Variants in SPINK5 observed in about 807,000 individuals in gnomAD.
SPINK5 encodes the protein serine peptidase inhibitor Kazal type 5, also known as serine protease inhibitor Kazal-type 5.
SPINK5 carries 125 observed loss-of-function variants against 151.8 expected under a neutral mutation model. The observed-to-expected ratio is 0.82, with a 90% CI of 0.71 to 0.96. The LOEUF is 0.96. SPINK5 is among the 40% of genes least tolerant of loss of function. The pLI is 0.00. For missense variants in SPINK5, 1,194 were observed against 1,291.9 expected, an observed-to-expected ratio of 0.92 and a Z score of 1.16; for synonymous variants, 374 against 395.3, an observed-to-expected ratio of 0.95 and a Z score of 0.64.
In SPINK5 at chr5:148,120,410, G is replaced by A. The variant is rs1334193316; in HGVS notation, c.2538+19G>A. ...CAAAGAGGTAATAGATGTTAGACAC[G>A]CTAATACCTGAATTCAGTTAGTTCA... On this transcript the variant is annotated intron_variant, in intron 26 of 32. Coordinates refer to ENST00000256084, the MANE Select transcript of SPINK5 (RefSeq NM_006846.4). 1.9e-6 allele frequency: 3 copies of A among 1,577,806 alleles called. No individual in the cohort carries two copies. Among genetic ancestry groups the A allele is most frequent in the South Asian group, 1.2e-5 (1 of 86,484 alleles).
chr5:148,076,998 T>C (rs1023437162), intron 4 of SPINK5, among the ~76,000 whole-genome samples: 6 of 151,110 alleles, frequency 4.0e-5, no homozygotes, highest in African/African-American at 1.5e-4. Context: ...AGCCAACATA[T>C]GCATAATGGG....
Position 148,070,418 on chromosome 5 carries a change from C to A in SPINK5, c.177C>A (p.Phe59Leu). The A allele has an allele frequency of 6.2e-7, 1 of 1,612,662 alleles. No individual in the cohort carries two copies. The highest frequency in any genetic ancestry group is 1.1e-5 in the South Asian group (1 of 91,024). Residue 59 changes from phenylalanine to leucine, a missense_variant, in exon 3 of 33, where the codon TTC (phenylalanine) becomes TTA (leucine). Coordinates refer to ENST00000256084, the MANE Select transcript of SPINK5 (RefSeq NM_006846.4). ...TTCAAAGTCTTGATGGAATAATGTT[C>A]ATCAATAAATGTGCCACGTGCAAAA... ...KFFQSLDGIM[F>L]INKCATCKMI...
At position 148,086,546 on chromosome 5, in the gene SPINK5, G is replaced by A. The variant is rs1251865188; in HGVS notation, c.410+14G>A. 14 of 1,609,960 alleles carry A rather than the reference G, an allele frequency of 8.7e-6. No homozygotes were observed. The highest frequency in any genetic ancestry group is 1.2e-5 in the Non-Finnish European group (14 of 1,178,026). On this transcript the variant is annotated intron_variant, in intron 5 of 32. Coordinates refer to ENST00000256084, the MANE Select transcript of SPINK5 (RefSeq NM_006846.4). ...TGCTGAGAATGCGTGAGTATTCTCT[G>A]AAGTAGGCTTTCTCCCTAAAACGTG...
chr5:148,089,364 C>G, intron 6 of SPINK5, 130 bp from the exon 7 acceptor site: 1 of 1,201,994 alleles, frequency 8.3e-7, no homozygotes, highest in Non-Finnish European at 1.2e-6. Flanking sequence ...TGAGCTACAT[C>G]TACACAGCTG....
chr5:148,115,251 C>T (rs1237179337), intron 21 of SPINK5, among the ~76,000 whole-genome samples: 2 of 152,088 alleles, frequency 1.3e-5, no homozygotes, highest in African/African-American at 4.8e-5. Context: ...GAGTAAGGAT[C>T]TAAAATTAGG....
At chr5:148,108,918 A>C (rs149110752) in intron 18 of SPINK5, 81 bp downstream of exon 18, 1 of 1,587,550 alleles carries the variant, frequency 6.3e-7, no homozygotes, top group Admixed American at 1.7e-5. Context: ...CCTCCTCCTC[A>C]TTCCAGTATT....
intron 26 of SPINK5, 75 bp from the exon 27 acceptor site, chr5:148,123,758 T>G (rs948901298): frequency 6.3e-7 from 1 of 1,598,740 alleles, no homozygotes; most frequent in African/African-American, 1.3e-5. Flanking sequence ...AGTTTATATC[T>G]AATCGGTCAA....
At chr5:148,100,630 TATTTCATTTCCATGTTCA>T in intron 13 of SPINK5, 49 bp downstream of exon 13, 1 of 1,605,184 alleles carries the variant, frequency 6.2e-7, no homozygotes, top group Non-Finnish European at 8.5e-7. Context: ...TTGTTCTTTC[TATTTCATTTCCATGTTCA>T]ATTATGGGAG....
At chr5:148,108,866 T>C (rs772682242) in intron 18 of SPINK5, 29 bp downstream of exon 18, 3 of 1,610,268 alleles carry the variant, frequency 1.9e-6, no homozygotes, top group East Asian at 2.2e-5. Flanking sequence ...CAGAGCCACA[T>C]AAATATTCAA....
Position 148,073,267 on chromosome 5 carries a change from A to G in SPINK5, c.282+1047A>G, listed in dbSNP as rs557476072. Among the ~76,000 whole-genome samples, 38 of 152,060 alleles carry G rather than the reference A, an allele frequency of 2.5e-4. 1 individual carries two copies. In the South Asian group the frequency reaches 7.9e-3, roughly 31 times the overall value. The stretch of plus-strand genomic sequence containing the variant: ...TAATTACTTATAACATCCATGGTCT[A>G]ACAACGCTGACATCTTCCTTGGCAG... On this transcript the variant is annotated intron_variant, in intron 4 of 32. Coordinates refer to ENST00000256084, the MANE Select transcript of SPINK5 (RefSeq NM_006846.4).
At position 148,123,955 on chromosome 5, in the gene SPINK5, C is replaced by A; in HGVS notation, c.2661C>A (p.Ser887Arg). 6.2e-7 allele frequency: 1 copy of A among 1,613,798 alleles called. No homozygotes were observed. The change falls in exon 27 of 33, where the codon AGC (serine) becomes AGA (arginine). Residue 887 changes from serine to arginine, a missense_variant. Transcript: ENST00000256084. The stretch of plus-strand genomic sequence containing the variant: ...TCAATAAATGTGCTATGTGTCAGAG[C>A]ATCTTGTACGTAAAAAGGTTTATCA... Reference protein sequence around the residue: ...MHINKCAMCQSIFDREANERK... With the variant: ...MHINKCAMCQRIFDREANERK...
intron 11 of SPINK5, 144 bp downstream of exon 11, chr5:148,098,138 A>T: frequency 2.5e-6 from 2 of 792,564 alleles, no homozygotes; most frequent in Middle Eastern, 4.9e-4. Context: ...TCAGTGATAG[A>T]GCTGGGAGTA....
At position 148,125,814 on chromosome 5, in the gene SPINK5, T is replaced by A; in HGVS notation, c.2831T>A (p.Phe944Tyr). 2 of 1,614,234 alleles carry A rather than the reference T, an allele frequency of 1.2e-6. No homozygotes were observed. The highest frequency in any genetic ancestry group is 1.7e-6 in the Non-Finnish European group (2 of 1,180,042). ...CCAGTGCACGGTGCTGATGGAAAGT[T>A]CTATACAAACAAGTGCTACATGTGC... is the stretch of plus-strand genomic sequence containing the variant. ...NDPVHGADGKFYTNKCYMCRA... is the reference protein window; with the variant it reads ...NDPVHGADGKYYTNKCYMCRA... Residue 944 changes from phenylalanine (F) to tyrosine (Y), a missense_variant, in exon 29 of 33, where the codon TTC (phenylalanine) becomes TAC (tyrosine). Phe to Tyr is a conservative substitution (Grantham distance 22). Coordinates refer to ENST00000256084, the MANE Select transcript of SPINK5 (RefSeq NM_006846.4).
intron 13 of SPINK5, 76 bp from the exon 14 acceptor site, chr5:148,101,279 A>T: frequency 9.3e-7 from 1 of 1,078,430 alleles, no homozygotes; most frequent in Non-Finnish European, 1.4e-6. Context: ...GTGTAAAATT[A>T]AATTATATTT....
intron 1 of SPINK5, among the ~76,000 whole-genome samples, chr5:148,064,699 T>C (rs1055405320): frequency 6.6e-6 from 1 of 152,052 alleles, no homozygotes; most frequent in African/African-American, 2.4e-5. Flanking sequence ...TACGTTGCTC[T>C]GAAACATTAA....
rs143943420 is a variant in SPINK5, at chr5:148,112,955, T to C, written c.1887+21T>C. On this transcript the variant is annotated intron_variant, in intron 20 of 32. Transcript: ENST00000256084. ...AAAAGGTAGTAATCCTGAATGTTTA[T>C]ACTGCAATGAAAGGATGAGATTTTG... 153 of 1,613,334 alleles carry C rather than the reference T, an allele frequency of 9.5e-5. No homozygotes were observed. The African/African-American group carries it at 1.7e-3, about 18-fold the overall frequency.
chr5:148,107,793 A>G (rs1030968650), intron 17 of SPINK5, among the ~76,000 whole-genome samples: 2 of 152,168 alleles, frequency 1.3e-5, no homozygotes, highest in African/African-American at 4.8e-5. Context: ...GGTGTAGGTA[A>G]GCCTGTGACT....
At position 148,137,359 on chromosome 5, in the gene SPINK5, C is replaced by T. The variant is rs989498581; in HGVS notation, c.*368C>T. Reference sequence around the variant, plus strand: ...TTAAAGAAACTGAATAAACTCTACCCTTTTGTCTTTTTGTGTTGCTAAACC... The same window carrying T: ...TTAAAGAAACTGAATAAACTCTACCTTTTTGTCTTTTTGTGTTGCTAAACC... On this transcript the variant is annotated 3_prime_UTR_variant, in exon 33 of 33. Coordinates refer to ENST00000256084, the MANE Select transcript of SPINK5 (RefSeq NM_006846.4). 1 of 277,172 alleles carries T rather than the reference C, an allele frequency of 3.6e-6. No individual in the cohort carries two copies. Among genetic ancestry groups the T allele is most frequent in the Non-Finnish European group, 6.8e-6 (1 of 147,046 alleles). The allele number at this position is 277,172 out of a possible 1,614,324, so 17.2% of individuals were successfully genotyped here. A position where few individuals can be genotyped will look rare whatever the true frequency, so the allele number is the denominator to read the frequency against.
chr5:148,077,842 A>T (rs1752924356), intron 4 of SPINK5, among the ~76,000 whole-genome samples: 1 of 150,902 alleles, frequency 6.6e-6, no homozygotes. Flanking sequence ...TCAACAAAGG[A>T]ATTATAAAGG....
Sources: allele counts gnomAD v4.1 joint callset (sites outside exome capture counted in the v4.1 genomes callset), GRCh38; gene constraint gnomAD v4.1.1; transcripts MANE v1.5; gene names NCBI Gene and HGNC (gene_info 2026-07-23, HGNC 2026-07-21).